Variants in CLN3 observed in about 807,000 individuals in gnomAD.
The protein encoded by CLN3 is CLN3 lysosomal/endosomal transmembrane protein, battenin.
CLN3 carries 49 observed loss-of-function variants against 60.7 expected under a neutral mutation model. The observed-to-expected ratio is 0.81, with a 90% CI of 0.64 to 1.02. CLN3 has a LOEUF of 1.02. Among genes scored for constraint, CLN3 ranks in the 50% least tolerant of loss-of-function variants. CLN3 has a pLI of 0.00. For synonymous variants in CLN3, 256 were observed against 245.8 expected (o/e 1.04, Z -0.39); for missense variants, 516 against 557.4 (o/e 0.93, Z 0.75).
chr16:28,478,740 G>T (rs1460927786), intron 14 of CLN3, among the ~76,000 whole-genome samples: 1 of 152,024 alleles, frequency 6.6e-6, no homozygotes, highest in African/African-American at 2.4e-5. Context: ...GCATGGTGAG[G>T]GCTGTCCTGT....
At chr16:28,491,878 G>C in intron 1 of CLN3, 43 bp from the exon 2 acceptor site, 1 of 1,337,732 alleles carries the variant, frequency 7.5e-7, no homozygotes, top group Non-Finnish European at 1.0e-6. Context: ...GCCGGTCCCA[G>C]CTCCGGCTTG....
chr16:28,479,945 T>C (rs1259766434), intron 14 of CLN3, among the ~76,000 whole-genome samples: 1 of 152,128 alleles, frequency 6.6e-6, no homozygotes, highest in Non-Finnish European at 1.5e-5. Flanking sequence ...GGAGGATATT[T>C]ACATGCTTTT....
downstream of CLN3, chr16:28,475,896 T>G (rs2045989501): frequency 6.6e-6 from 1 of 151,744 alleles, no homozygotes. Context: ...TTTTTTGTTT[T>G]TTTTTTTGAG....
In CLN3 at chr16:28,487,528, C is replaced by G. The variant is rs764261700; in HGVS notation, c.388G>C (p.Val130Leu). The change falls in exon 7 of 16, where the codon GTC (valine) becomes CTC (leucine). Residue 130 changes from valine to leucine, a missense_variant. Val to Leu is a conservative substitution (Grantham distance 32). Transcript: ENST00000636147. ...HLLPYSPRVL[V>L]SGICAAGSFV... ...CTTCCAGCAGCACAAATCCCACTGA[C>G]GAGAACCCGGGGGCTGAGGGGGTGA... 5.6e-6 allele frequency: 9 copies of G among 1,613,700 alleles called. No homozygotes were observed. Among genetic ancestry groups the G allele is most frequent in the African/African-American group, 1.3e-5 (1 of 74,842 alleles).
chr16:28,488,712 C>T, intron 4 of CLN3, 50 bp from the exon 5 acceptor site: 1 of 1,574,272 alleles, frequency 6.4e-7, no homozygotes, highest in Non-Finnish European at 8.7e-7. Context: ...GGGATAGACA[C>T]ACAGAGCCTG....
rs767513559 is a variant in CLN3 at position 28,489,346 on chromosome 16, G to T, written c.166C>A (p.Leu56Met). ...CTAAGGATGTCGTGGGCGGCACTCA[G>T]CATCACCACATAAGAGAAGTTGTTG... ...LCNNFSYVVM[L>M]SAAHDILSHK... Residue 56 changes from leucine (L) to methionine (M), a missense_variant, in exon 4 of 16, where the codon CTG (leucine) becomes ATG (methionine). Physicochemically the swap from Leu to Met is conservative, Grantham distance 15. Transcript: ENST00000636147. The T allele has an allele frequency of 6.2e-7, 1 of 1,613,454 alleles. No individual in the cohort carries two copies. Among genetic ancestry groups the T allele is most frequent in the African/African-American group, 1.3e-5 (1 of 75,012 alleles).
chr16:28,491,866 T>C (rs1022335501), intron 1 of CLN3, 31 bp from the exon 2 acceptor site: 3 of 1,414,876 alleles, frequency 2.1e-6, no homozygotes, highest in Admixed American at 1.9e-5. Context: ...CAACGCCCGA[T>C]TGCCGGTCCC....
At chr16:28,477,045 G>A, downstream of CLN3, 1 of 219,670 alleles carries the variant, frequency 4.6e-6, no homozygotes, top group South Asian at 6.7e-5. Flanking sequence ...GCTGAGGCAG[G>A]AGAATTGCTT....
At chr16:28,488,698 C>G (rs2046264433) in intron 4 of CLN3, 36 bp from the exon 5 acceptor site, 1 of 1,601,740 alleles carries the variant, frequency 6.2e-7, no homozygotes, top group Admixed American at 1.7e-5. Context: ...ACCCTGGAGG[C>G]AGAGGGATAG....
chr16:28,472,184 G>A (rs1030977348), downstream of CLN3, among the ~76,000 whole-genome samples: 2 of 152,182 alleles, frequency 1.3e-5, no homozygotes, highest in African/African-American at 4.8e-5. Context: ...AGGTCAAGGT[G>A]GGCAGATCAT....
At position 28,477,724 on chromosome 16, in the gene CLN3, G is replaced by C. The variant is rs370103287; in HGVS notation, c.1197+13C>G. The C allele has an allele frequency of 6.2e-7, 1 of 1,614,124 alleles. No individual in the cohort carries two copies. Among genetic ancestry groups the C allele is most frequent in the Non-Finnish European group, 8.5e-7 (1 of 1,180,032 alleles). On this transcript the variant is annotated intron_variant, in intron 15 of 15. Coordinates refer to ENST00000636147, the MANE Select transcript of CLN3 (RefSeq NM_001042432.2). ...GACAGGCCACCCCCAGCCCTTGCCC[G>C]GCCAATGCTGACCTCCAGGGCGATG...
At position 28,487,528 on chromosome 16, in the gene CLN3, C is replaced by T. The variant is rs764261700; in HGVS notation, c.388G>A (p.Val130Ile). Residue 130 changes from valine (V) to isoleucine (I), a missense_variant, in exon 7 of 16, where the codon GTC becomes ATC. Transcript: ENST00000636147. ...HLLPYSPRVL[V>I]SGICAAGSFV... ...CTTCCAGCAGCACAAATCCCACTGA[C>T]GAGAACCCGGGGGCTGAGGGGGTGA... 5.0e-6 allele frequency: 8 copies of T among 1,613,700 alleles called. No homozygotes were observed. The highest frequency in any genetic ancestry group is 2.2e-5 in the South Asian group (2 of 91,076).
chr16:28,485,408 A>G (rs2046191444), intron 9 of CLN3, among the ~76,000 whole-genome samples: 1 of 150,242 alleles, frequency 6.7e-6, no homozygotes, highest in Non-Finnish European at 1.5e-5. Context: ...CTCTACTAAA[A>G]ATATAAAAAA....
intron 10 of CLN3, among the ~76,000 whole-genome samples, 195 bp downstream of exon 10, chr16:28,483,811 C>G (rs1236863035): frequency 6.6e-6 from 1 of 150,600 alleles, no homozygotes; most frequent in Admixed American, 6.6e-5. Context: ...CTGCCTCAGC[C>G]TCCCAAAGTG....
chr16:28,472,250 CA>C (rs571252494), downstream of CLN3, among the ~76,000 whole-genome samples: 1 of 151,620 alleles, frequency 6.6e-6, no homozygotes, highest in Non-Finnish European at 1.5e-5. Flanking sequence ...CCGTCTCTAC[CA>C]AAAAAATGTA....
chr16:28,481,012 A>G (rs182247105), intron 14 of CLN3, among the ~76,000 whole-genome samples: 1 of 152,328 alleles, frequency 6.6e-6, no homozygotes, highest in Admixed American at 6.5e-5. Context: ...ATAGTTAGAA[A>G]CATTATTTGA....
Position 28,482,580 on chromosome 16 carries a change from G to C in CLN3, c.838-35C>G, listed in dbSNP as rs146839771. ...GCAGAAGATATAAGCGGGGGGCCTGGAGGTGAGCAAGCCCCACAGGGACAT... is the reference window on the plus strand; with the variant it reads ...GCAGAAGATATAAGCGGGGGGCCTGCAGGTGAGCAAGCCCCACAGGGACAT... On this transcript the variant is annotated intron_variant, in intron 11 of 15. Coordinates refer to ENST00000636147, the MANE Select transcript of CLN3 (RefSeq NM_001042432.2). 1.8e-3 allele frequency: 2,976 copies of C among 1,613,888 alleles called. 47 individuals are homozygous for C. In the East Asian group the frequency reaches 0.038, roughly 20 times the overall value.
At chr16:28,478,001 TAA>T (rs1316229692) in intron 14 of CLN3, 124 bp from the exon 15 acceptor site, 1 of 1,147,940 alleles carries the variant, frequency 8.7e-7, no homozygotes, top group South Asian at 1.4e-5. Context: ...CAGGTCTAGA[TAA>T]AATCTCAACA....
intron 9 of CLN3, 73 bp downstream of exon 9, chr16:28,486,274 G>A (rs1245851279): frequency 1.3e-6 from 2 of 1,591,846 alleles, no homozygotes; most frequent in African/African-American, 1.3e-5. Context: ...TTACAGGCGT[G>A]AGCCACCACA....
Sources: allele counts gnomAD v4.1 joint callset (sites outside exome capture counted in the v4.1 genomes callset), GRCh38; gene constraint gnomAD v4.1.1; transcripts MANE v1.5; gene names NCBI Gene and HGNC (gene_info 2026-07-23, HGNC 2026-07-21).